IQCK: variants seen among roughly 807,000 people sequenced by gnomAD.
The protein encoded by IQCK is IQ domain-containing protein K.
Under a neutral mutation model 28.1 loss-of-function variants are expected in IQCK, and 29 were observed. That is an observed-to-expected ratio of 1.03 (90% CI 0.77 to 1.41). IQCK has a LOEUF of 1.41. IQCK is among the 40% of genes most tolerant of loss of function. IQCK has a pLI of 0.00. For missense variants in IQCK, 359 were observed against 314.7 expected (o/e 1.14, Z -1.07); for synonymous variants, 113 against 115.1 (o/e 0.98, Z 0.12).
intron 4 of IQCK, among the ~76,000 whole-genome samples, chr16:19,740,399 G>A (rs1407463415): frequency 6.6e-6 from 1 of 152,170 alleles, no homozygotes; most frequent in Admixed American, 6.5e-5. Flanking sequence ...CTGAATGGAA[G>A]GGGAGTGAGG....
chr16:19,784,554 A>G (rs1247977049), intron 6 of IQCK, among the ~76,000 whole-genome samples: 1 of 152,188 alleles, frequency 6.6e-6, no homozygotes, highest in South Asian at 2.1e-4. Context: ...GAGTGTGCCT[A>G]CTATGTGCCA....
intron 7 of IQCK, among the ~76,000 whole-genome samples, chr16:19,789,492 C>T (rs1299995310): frequency 1.6e-5 from 1 of 61,792 alleles, no homozygotes; most frequent in Non-Finnish European, 2.6e-5. Context: ...CTGTCTTAAC[C>T]TTTTAAAGTT....
intron 6 of IQCK, among the ~76,000 whole-genome samples, chr16:19,769,860 A>T (rs1313197623): frequency 6.6e-6 from 1 of 152,072 alleles, no homozygotes; most frequent in South Asian, 2.1e-4. Flanking sequence ...ATGTTAGTGG[A>T]AAAAGGGGGT....
At chr16:19,806,241 A>C (rs1042847552) in intron 7 of IQCK, among the ~76,000 whole-genome samples, 58 of 152,226 alleles carry the variant, frequency 3.8e-4, no homozygotes, top group Non-Finnish European at 5.7e-4. Flanking sequence ...GGAGCTGGGC[A>C]TGGTGGTAGA....
Position 19,792,543 on chromosome 16 carries a change from ACT to A in IQCK, c.690+3624_690+3625del, listed in dbSNP as rs1491129421. 1.8e-5 allele frequency among the ~76,000 whole-genome samples: 2 copies of A among 110,596 alleles called. 1 individual carries two copies. Among genetic ancestry groups the A allele is most frequent in the African/African-American group, 1.7e-4 (2 of 11,738 alleles). 72.6% of individuals were successfully genotyped at this position (110,596 alleles called of 152,430 possible). On this transcript the variant is annotated intron_variant, in intron 7 of 7. Transcript: ENST00000564186. ...GGGCAGCTGGGAAAGAACTAGGAAGACTCTAGCCTTATGTATACTGAACACCT... is the reference window on the plus strand; with the variant it reads ...GGGCAGCTGGGAAAGAACTAGGAAGACTAGCCTTATGTATACTGAACACCT...
At chr16:19,773,218 A>AT (rs1567551680) in intron 6 of IQCK, among the ~76,000 whole-genome samples, 1 of 152,056 alleles carries the variant, frequency 6.6e-6, no homozygotes, top group Non-Finnish European at 1.5e-5. Flanking sequence ...CTCAAATGGC[A>AT]TTGAGGGAAA....
intron 6 of IQCK, chr16:19,766,057 A>G (rs1481422604): frequency 1.3e-5 from 2 of 152,272 alleles, no homozygotes; most frequent in South Asian, 2.1e-4. Context: ...TGCACTCCAC[A>G]GGAACAGAAA....
At chr16:19,836,607 G>A (rs574851817) in intron 9 of IQCK, among the ~76,000 whole-genome samples, 119 of 152,194 alleles carry the variant, frequency 7.8e-4, no homozygotes, top group Middle Eastern at 3.4e-3. Flanking sequence ...TCCGCCTCCC[G>A]GGTTCAAGTG....
At chr16:19,724,724 G>A (rs1977602313) in intron 1 of IQCK, among the ~76,000 whole-genome samples, 2 of 151,950 alleles carry the variant, frequency 1.3e-5, no homozygotes, top group African/African-American at 4.8e-5. Context: ...AGTAGAGAGG[G>A]GGTTTCACCA....
chr16:19,852,199 C>G (rs2056491389), intron 9 of IQCK, among the ~76,000 whole-genome samples: 1 of 152,120 alleles, frequency 6.6e-6, no homozygotes, highest in South Asian at 2.1e-4. Context: ...TTTGTAATTT[C>G]AAGCAATACA....
intron 7 of IQCK, among the ~76,000 whole-genome samples, chr16:19,793,653 T>TG (rs1351053009): frequency 7.7e-6 from 1 of 129,128 alleles, no homozygotes; most frequent in Non-Finnish European, 1.6e-5. Flanking sequence ...GTTTTTTTTT[T>TG]TTTTTTTTTT....
chr16:19,719,204 G>A (rs1977387216), intron 1 of IQCK, among the ~76,000 whole-genome samples: 1 of 152,084 alleles, frequency 6.6e-6, no homozygotes, highest in Non-Finnish European at 1.5e-5. Flanking sequence ...GATTTTAGGA[G>A]GGCAAAAGGA....
intron 4 of IQCK, chr16:19,762,100 T>A (rs2055154785): frequency 6.6e-6 from 1 of 152,496 alleles, no homozygotes; most frequent in African/African-American, 2.4e-5. Context: ...CCCTAGAATA[T>A]GTCTGGTTTT....
At chr16:19,854,216 C>T (rs1438833057) in intron 9 of IQCK, among the ~76,000 whole-genome samples, 1 of 152,210 alleles carries the variant, frequency 6.6e-6, no homozygotes, top group African/African-American at 2.4e-5. Context: ...TTACAAGCAG[C>T]CAGGGTAGAA....
intron 4 of IQCK, among the ~76,000 whole-genome samples, chr16:19,740,250 C>A (rs2054814163): frequency 6.6e-6 from 1 of 152,172 alleles, no homozygotes. Flanking sequence ...CAATTTAATT[C>A]TTGTCCACTA....
chr16:19,849,216 A>C (rs2056449652), intron 9 of IQCK, among the ~76,000 whole-genome samples: 1 of 151,558 alleles, frequency 6.6e-6, no homozygotes, highest in Admixed American at 6.6e-5. Context: ...ATTCAGGAAA[A>C]CAAAAATTCA....
At chr16:19,785,824 C>T (rs2055554769) in intron 6 of IQCK, among the ~76,000 whole-genome samples, 1 of 152,134 alleles carries the variant, frequency 6.6e-6, no homozygotes, top group African/African-American at 2.4e-5. Flanking sequence ...GGGTCCGCTC[C>T]CACACTGCAG....
At chr16:19,776,892 C>G (rs943980314) in intron 6 of IQCK, among the ~76,000 whole-genome samples, 1 of 152,122 alleles carries the variant, frequency 6.6e-6, no homozygotes, top group Non-Finnish European at 1.5e-5. Context: ...CTCAACCAGC[C>G]AATCAGAGGC....
intron 9 of IQCK, among the ~76,000 whole-genome samples, chr16:19,843,373 T>A (rs1268204231): frequency 6.6e-6 from 1 of 152,146 alleles, no homozygotes; most frequent in Non-Finnish European, 1.5e-5. Context: ...TCCCAAGACT[T>A]CCAATCCTCC....
Sources: gnomAD v4.1 joint callset for allele counts (sites outside exome capture counted in the v4.1 genomes callset) on GRCh38, gnomAD v4.1.1 for gene constraint, MANE v1.5 for transcripts, NCBI Gene and HGNC (gene_info 2026-07-23, HGNC 2026-07-21) for gene names.